Variants in SPPL3 observed in about 807,000 individuals in gnomAD.
SPPL3 encodes signal peptide peptidase-like 3.
SPPL3 carries 5 observed loss-of-function variants against 42.4 expected under a neutral mutation model. The ratio of observed to expected loss-of-function variants is 0.12; its 90% confidence interval spans 0.06 to 0.25. SPPL3 has a LOEUF of 0.25. Among genes scored for constraint, SPPL3 ranks in the 10% least tolerant of loss-of-function variants. The pLI is 1.00. For synonymous variants in SPPL3, 195 were observed against 181.8 expected (o/e 1.07, Z -0.58); for missense variants, 235 against 489.0 (o/e 0.48, Z 4.90).
chr12:120,796,909 C>T (rs1311977511), intron 2 of SPPL3, among the ~76,000 whole-genome samples: 3 of 152,126 alleles, frequency 2.0e-5, no homozygotes, highest in South Asian at 2.1e-4. Flanking sequence ...CAGTGGTTCA[C>T]GCCTGTAATC....
At chr12:120,847,408 T>C (rs1447357212) in intron 1 of SPPL3, among the ~76,000 whole-genome samples, 2 of 152,156 alleles carry the variant, frequency 1.3e-5, no homozygotes, top group Non-Finnish European at 2.9e-5. Context: ...TTCTCCAGCC[T>C]CAGCCTCCCA....
intron 1 of SPPL3, among the ~76,000 whole-genome samples, chr12:120,826,887 T>C (rs1871245154): frequency 6.6e-6 from 1 of 152,158 alleles, no homozygotes; most frequent in African/African-American, 2.4e-5. Context: ...ATTTTATTTA[T>C]GAATTTTCTA....
intron 1 of SPPL3, among the ~76,000 whole-genome samples, chr12:120,866,315 G>T (rs1322651733): frequency 2.0e-5 from 3 of 151,644 alleles, no homozygotes; most frequent in African/African-American, 4.9e-5. Context: ...AGATTCCTGG[G>T]TTCCACCCTA....
At chr12:120,826,024 T>C (rs910269972) in intron 1 of SPPL3, among the ~76,000 whole-genome samples, 3 of 108,038 alleles carry the variant, frequency 2.8e-5, no homozygotes, top group African/African-American at 8.2e-5. Context: ...ACGGGCGCAG[T>C]GGCTCACGCC....
chr12:120,883,062 T>C (rs1057062137), intron 1 of SPPL3, among the ~76,000 whole-genome samples: 2 of 151,794 alleles, frequency 1.3e-5, no homozygotes, highest in African/African-American at 4.9e-5. Flanking sequence ...CCCAGCACTT[T>C]GGGAGGCTGA....
At chr12:120,819,784 T>A (rs1014965694) in intron 1 of SPPL3, among the ~76,000 whole-genome samples, 8 of 152,196 alleles carry the variant, frequency 5.3e-5, no homozygotes, top group Non-Finnish European at 1.2e-4. Flanking sequence ...AAGAAACTTT[T>A]ACTGCTTCGT....
chr12:120,767,357 G>C (rs771856425), intron 9 of SPPL3, 37 bp downstream of exon 9: 1 of 1,595,466 alleles, frequency 6.3e-7, no homozygotes, highest in African/African-American at 1.3e-5. Flanking sequence ...AGGACAGCCA[G>C]AGCGAGGATC....
intron 2 of SPPL3, among the ~76,000 whole-genome samples, chr12:120,803,835 T>C (rs1355049833): frequency 1.3e-5 from 2 of 152,118 alleles, no homozygotes; most frequent in Non-Finnish European, 2.9e-5. Flanking sequence ...CTTCTGTGTA[T>C]GATGTTTTCT....
chr12:120,888,888 C>A (rs1325550604), intron 1 of SPPL3, among the ~76,000 whole-genome samples: 1 of 152,112 alleles, frequency 6.6e-6, no homozygotes, highest in Non-Finnish European at 1.5e-5. Flanking sequence ...CAGCTCACTG[C>A]AACCTCCACC....
At chr12:120,806,828 C>T (rs1366118312) in intron 2 of SPPL3, among the ~76,000 whole-genome samples, 1 of 142,664 alleles carries the variant, frequency 7.0e-6, no homozygotes, top group Non-Finnish European at 1.5e-5. Context: ...GCCTGGGCGA[C>T]AGAGCGAGAC....
chr12:120,853,157 A>T (rs1215316192), intron 1 of SPPL3, among the ~76,000 whole-genome samples: 1 of 151,974 alleles, frequency 6.6e-6, no homozygotes, highest in African/African-American at 2.4e-5. Context: ...TCAGCCTCCC[A>T]AAGTGCTGGG....
chr12:120,825,565 T>A (rs1309675964), intron 1 of SPPL3, among the ~76,000 whole-genome samples: 1 of 152,196 alleles, frequency 6.6e-6, no homozygotes, highest in Non-Finnish European at 1.5e-5. Flanking sequence ...ATCGCTTGTC[T>A]TACGGAAGAA....
intron 1 of SPPL3, among the ~76,000 whole-genome samples, chr12:120,854,564 T>C (rs1397097153): frequency 3.3e-5 from 5 of 152,200 alleles, no homozygotes; most frequent in Non-Finnish European, 7.3e-5. Context: ...GAGCCTGAGG[T>C]GCTATCAAAG....
At chr12:120,788,058 T>C (rs1431303654) in intron 3 of SPPL3, among the ~76,000 whole-genome samples, 1 of 152,240 alleles carries the variant, frequency 6.6e-6, no homozygotes, top group Non-Finnish European at 1.5e-5. Flanking sequence ...AGGGTATTTA[T>C]ACTGTCACCT....
intron 1 of SPPL3, among the ~76,000 whole-genome samples, chr12:120,854,019 CACACACG>C (rs1210487448): frequency 7.0e-6 from 1 of 143,552 alleles, no homozygotes; most frequent in Non-Finnish European, 1.5e-5. Context: ...CACACACACA[CACACACG>C]GGGAAAAAAA....
chr12:120,799,973 G>GCCTT (rs1386677316), intron 2 of SPPL3, among the ~76,000 whole-genome samples: 1 of 152,064 alleles, frequency 6.6e-6, no homozygotes, highest in Non-Finnish European at 1.5e-5. Context: ...TCAATTATAG[G>GCCTT]CCTTTAACTT....
intron 1 of SPPL3, among the ~76,000 whole-genome samples, chr12:120,860,785 G>A (rs528967544): frequency 6.6e-6 from 1 of 152,126 alleles, no homozygotes; most frequent in Non-Finnish European, 1.5e-5. Flanking sequence ...TTATGTAAAA[G>A]AGTAAATATT....
intron 2 of SPPL3, among the ~76,000 whole-genome samples, chr12:120,809,009 G>A (rs987742713): frequency 3.3e-5 from 5 of 152,196 alleles, no homozygotes; most frequent in African/African-American, 4.8e-5. Context: ...TAATGCTTCT[G>A]AGAGTGGTTA....
intron 2 of SPPL3, chr12:120,791,822 T>G: frequency 5.5e-6 from 2 of 361,460 alleles, no homozygotes; most frequent in South Asian, 5.7e-5. Context: ...ATATCCTTAA[T>G]TACTTCCTTA....
Sources: gnomAD v4.1 joint callset for allele counts (sites outside exome capture counted in the v4.1 genomes callset) on GRCh38, gnomAD v4.1.1 for gene constraint, MANE v1.5 for transcripts, NCBI Gene and HGNC (gene_info 2026-07-23, HGNC 2026-07-21) for gene names.